Variants in PCDH15 observed in about 807,000 individuals in gnomAD.
The protein encoded by PCDH15 is protocadherin related 15.
Under a neutral mutation model 178.5 loss-of-function variants are expected in PCDH15, and 129 were observed. That is an observed-to-expected ratio of 0.72 (90% CI 0.63 to 0.84). The LOEUF (loss-of-function observed/expected upper bound fraction) is 0.84, where lower values mean the gene tolerates loss of function less well. PCDH15 is among the 40% of genes least tolerant of loss of function. The pLI is 0.00. For missense variants in PCDH15, 2,230 were observed against 2,099.9 expected, an observed-to-expected ratio of 1.06 and a Z score of -1.21; for synonymous variants, 800 against 732.0, an observed-to-expected ratio of 1.09 and a Z score of -1.50.
At chr10:55,578,803 G>C (rs1318016548) in intron 2 of PCDH15, among the ~76,000 whole-genome samples, 1 of 152,134 alleles carries the variant, frequency 6.6e-6, no homozygotes, top group African/African-American at 2.4e-5. Context: ...AAAAAAGATA[G>C]TGTGCAGGGG....
intron 18 of PCDH15, among the ~76,000 whole-genome samples, chr10:54,036,650 A>C (rs1308762197): frequency 6.6e-6 from 1 of 151,874 alleles, no homozygotes; most frequent in Non-Finnish European, 1.5e-5. Context: ...AAGAGTTCTG[A>C]TGGAGATGTA....
chr10:54,652,478 T>C (rs2094284219), intron 2 of PCDH15, among the ~76,000 whole-genome samples: 1 of 152,220 alleles, frequency 6.6e-6, no homozygotes, highest in South Asian at 2.1e-4. Flanking sequence ...AACTGGAATC[T>C]ATCTCTATTT....
At chr10:54,591,880 A>G (rs1012141435) in intron 2 of PCDH15, among the ~76,000 whole-genome samples, 3 of 152,160 alleles carry the variant, frequency 2.0e-5, no homozygotes, top group Non-Finnish European at 4.4e-5. Flanking sequence ...ATAAAAAGTA[A>G]TATGTCTCAT....
intron 28 of PCDH15, among the ~76,000 whole-genome samples, chr10:53,841,507 T>C (rs1367377295): frequency 6.6e-6 from 1 of 152,132 alleles, no homozygotes; most frequent in Non-Finnish European, 1.5e-5. Context: ...AAGAGTCTTG[T>C]ATGTGCTTGG....
intron 2 of PCDH15, among the ~76,000 whole-genome samples, chr10:54,981,981 G>A (rs1407805282): frequency 2.0e-5 from 3 of 151,118 alleles, no homozygotes; most frequent in Non-Finnish European, 4.4e-5. Flanking sequence ...TGTTGATTAG[G>A]CTCTTCTCAA....
Position 54,262,568 on chromosome 10 carries a change from G to A in PCDH15, c.877-25637C>T, listed in dbSNP as rs540440024. On this transcript the variant is annotated intron_variant, in intron 8 of 37. Transcript: ENST00000644397. Reference sequence around the variant, plus strand: ...GACAAATCAGTGAGCCCAGGCCCGTGAGCTCAGTCCCGTGAGCCCAGTCCC... The same window carrying A: ...GACAAATCAGTGAGCCCAGGCCCGTAAGCTCAGTCCCGTGAGCCCAGTCCC... 1.1e-3 allele frequency among the ~76,000 whole-genome samples: 169 copies of A among 152,176 alleles called. 5 individuals are homozygous for A. The South Asian group carries it at 0.033, about 30-fold the overall frequency.
At chr10:54,916,627 C>G (rs2131839754) in intron 2 of PCDH15, among the ~76,000 whole-genome samples, 1 of 152,208 alleles carries the variant, frequency 6.6e-6, no homozygotes, top group African/African-American at 2.4e-5. Context: ...TTCAGAAGAA[C>G]TTTCTTATAT....
At chr10:55,251,188 TTTGTGC>T (rs1309041702) in intron 1 of PCDH15, among the ~76,000 whole-genome samples, 1 of 152,184 alleles carries the variant, frequency 6.6e-6, no homozygotes, top group African/African-American at 2.4e-5. Flanking sequence ...CTTGTACTCA[TTTGTGC>T]TTGTGCTTGT....
intron 2 of PCDH15, among the ~76,000 whole-genome samples, chr10:55,144,296 C>A (rs1838438165): frequency 6.6e-6 from 1 of 151,614 alleles, no homozygotes; most frequent in Admixed American, 6.6e-5. Flanking sequence ...CTGTGACATA[C>A]ATTATGTGAA....
intron 2 of PCDH15, among the ~76,000 whole-genome samples, chr10:55,500,224 A>T (rs1448749916): frequency 1.3e-5 from 2 of 151,814 alleles, no homozygotes; most frequent in Middle Eastern, 3.2e-3. Context: ...ATGATATTTT[A>T]AAATTTCCTA....
intron 1 of PCDH15, among the ~76,000 whole-genome samples, chr10:55,170,072 A>G (rs1591961140): frequency 6.6e-6 from 1 of 152,112 alleles, no homozygotes; most frequent in African/African-American, 2.4e-5. Flanking sequence ...TTGATGCTTT[A>G]CAATGCTACA....
rs575155866 is a variant in PCDH15, at chr10:53,869,293, A to AT, written c.3502-2437dup. ...ACAAAGAAAGAAAAACAGTATCAAA[A>AT]TTTTTTGTACTTAAACTTTGAACCA... On this transcript the variant is annotated intron_variant, in intron 26 of 37. Coordinates refer to ENST00000644397, the MANE Select transcript of PCDH15 (RefSeq NM_001384140.1). Among the ~76,000 whole-genome samples the AT allele has an allele frequency of 2.0e-5, 3 of 152,294 alleles. No homozygotes were observed. In the South Asian group the frequency reaches 6.2e-4, roughly 32 times the overall value.
intron 3 of PCDH15, among the ~76,000 whole-genome samples, chr10:54,520,877 T>G (rs1392832799): frequency 6.6e-6 from 1 of 151,534 alleles, no homozygotes; most frequent in African/African-American, 2.4e-5. Context: ...TGGAATACTA[T>G]GCAGCCATAA....
At chr10:55,159,891 T>C (rs1210810967) in intron 2 of PCDH15, among the ~76,000 whole-genome samples, 1 of 151,272 alleles carries the variant, frequency 6.6e-6, no homozygotes, top group East Asian at 1.9e-4. Context: ...TATCAGGTTA[T>C]ATTTATTAAG....
chr10:53,822,413 A>T, intron 32 of PCDH15: 1 of 1,578,806 alleles, frequency 6.3e-7, no homozygotes, highest in Non-Finnish European at 8.6e-7. Flanking sequence ...AAAAAGGAGA[A>T]ATGTCAGGAG....
At chr10:55,057,159 T>C (rs2131994708) in intron 2 of PCDH15, among the ~76,000 whole-genome samples, 2 of 152,286 alleles carry the variant, frequency 1.3e-5, no homozygotes, top group Admixed American at 1.3e-4. Flanking sequence ...TAGAGACTCC[T>C]GGGTCCAACC....
At chr10:55,232,711 A>C (rs1011530406) in intron 1 of PCDH15, among the ~76,000 whole-genome samples, 5 of 152,134 alleles carry the variant, frequency 3.3e-5, no homozygotes, top group Non-Finnish European at 2.9e-5. Context: ...GTAGATGTCT[A>C]ATGGGAAGTC....
In PCDH15 at chr10:54,777,182, C is replaced by T. The variant is rs181183522; in HGVS notation, c.-29+23743G>A. Among the ~76,000 whole-genome samples the T allele has an allele frequency of 1.3e-4, 20 of 152,270 alleles. No homozygotes were observed. In the East Asian group the frequency reaches 3.3e-3, roughly 25 times the overall value. The stretch of plus-strand genomic sequence containing the variant: ...TCATGCAATCATTTCAGAATCAGCA[C>T]TGTGAGCTGTCCTGCCTTAAGACAA... On this transcript the variant is annotated intron_variant, in intron 1 of 37. Coordinates refer to ENST00000644397, the MANE Select transcript of PCDH15 (RefSeq NM_001384140.1).
At chr10:55,485,456 A>C (rs112749056) in intron 2 of PCDH15, among the ~76,000 whole-genome samples, 1 of 151,712 alleles carries the variant, frequency 6.6e-6, no homozygotes, top group Non-Finnish European at 1.5e-5. Context: ...ATCAAATGAG[A>C]CATTATTTCA....
Sources: gnomAD v4.1 joint callset for allele counts (sites outside exome capture counted in the v4.1 genomes callset) on GRCh38, gnomAD v4.1.1 for gene constraint, MANE v1.5 for transcripts, NCBI Gene and HGNC (gene_info 2026-07-23, HGNC 2026-07-21) for gene names.